CNOT6L: variants seen among roughly 807,000 people sequenced by gnomAD.
CNOT6L encodes the protein CCR4-NOT transcription complex subunit 6 like, also known as CCR4-NOT transcription complex subunit 6-like.
A neutral mutation model predicts 64.0 loss-of-function variants in CNOT6L; 7 were observed. The observed-to-expected ratio is 0.11, with a 90% CI of 0.06 to 0.21. The LOEUF (loss-of-function observed/expected upper bound fraction) is 0.21. Ranked by LOEUF, CNOT6L falls within the 10% of genes least tolerant of loss-of-function variation. CNOT6L has a pLI of 1.00. For missense variants in CNOT6L, 245 were observed against 669.0 expected, an observed-to-expected ratio of 0.37 and a Z score of 6.99; for synonymous variants, 193 against 243.4, an observed-to-expected ratio of 0.79 and a Z score of 1.93.
chr4:77,797,975 TAAAAC>T (rs962743004), intron 1 of CNOT6L, among the ~76,000 whole-genome samples: 15 of 152,112 alleles, frequency 9.9e-5, no homozygotes, highest in African/African-American at 3.6e-4. Context: ...GCATGATCCA[TAAAAC>T]AAAAAATTGA....
At chr4:77,779,578 A>G (rs115179300) in intron 1 of CNOT6L, among the ~76,000 whole-genome samples, 1 of 152,106 alleles carries the variant, frequency 6.6e-6, no homozygotes, top group Non-Finnish European at 1.5e-5. Context: ...ATGTTTACCA[A>G]TATCTATAAT....
At chr4:77,792,596 T>G (rs1173187268) in intron 1 of CNOT6L, among the ~76,000 whole-genome samples, 2 of 151,782 alleles carry the variant, frequency 1.3e-5, no homozygotes, top group Non-Finnish European at 2.9e-5. Context: ...CATGGCGGCA[T>G]GCTCCTGTAA....
chr4:77,819,035 C>A, intron 1 of CNOT6L: 4 of 671,900 alleles, frequency 6.0e-6, no homozygotes, highest in Non-Finnish European at 1.1e-5. Context: ...GGGTCCCGGC[C>A]CCGGGCCACC....
intron 1 of CNOT6L, among the ~76,000 whole-genome samples, chr4:77,779,828 G>A (rs1728653569): frequency 6.6e-6 from 1 of 152,150 alleles, no homozygotes; most frequent in African/African-American, 2.4e-5. Context: ...GCCGGGTGTG[G>A]TCGCGGGCGC....
chr4:77,752,982 G>A (rs1006169677), intron 5 of CNOT6L, among the ~76,000 whole-genome samples: 3 of 151,310 alleles, frequency 2.0e-5, no homozygotes, highest in Non-Finnish European at 4.4e-5. Flanking sequence ...TATCTGAAAT[G>A]GAAAAAAGAC....
At chr4:77,755,678 A>C (rs765803324) in intron 5 of CNOT6L, among the ~76,000 whole-genome samples, 2 of 152,120 alleles carry the variant, frequency 1.3e-5, no homozygotes, top group African/African-American at 4.8e-5. Flanking sequence ...AACTTTTCAG[A>C]TAATATTAAT....
intron 10 of CNOT6L, among the ~76,000 whole-genome samples, 153 bp from the exon 11 acceptor site, chr4:77,726,522 A>C (rs9654193): frequency 6.6e-6 from 1 of 152,240 alleles, no homozygotes; most frequent in Non-Finnish European, 1.5e-5. Context: ...GTTTAAAAAT[A>C]AAAAATCAAA....
intron 1 of CNOT6L, among the ~76,000 whole-genome samples, chr4:77,785,785 AC>A (rs990487350): frequency 1.3e-5 from 2 of 152,146 alleles, no homozygotes; most frequent in Non-Finnish European, 2.9e-5. Context: ...CACGCACAAA[AC>A]AAGGGGGATT....
chr4:77,774,458 T>C (rs951495237), intron 3 of CNOT6L, 72 bp downstream of exon 3: 9 of 1,214,380 alleles, frequency 7.4e-6, no homozygotes, highest in Non-Finnish European at 9.3e-6. Flanking sequence ...CCTACTGTAA[T>C]AAAGTAACAT....
At chr4:77,819,373 A>ACACG (rs1734036565), upstream of CNOT6L, 3 of 1,581,472 alleles carry the variant, frequency 1.9e-6, no homozygotes, top group African/African-American at 1.4e-5. Flanking sequence ...ACACACACAA[A>ACACG]CACGCGCGCG....
intron 8 of CNOT6L, among the ~76,000 whole-genome samples, chr4:77,738,418 G>A (rs1723203508): frequency 6.6e-6 from 1 of 152,010 alleles, no homozygotes; most frequent in African/African-American, 2.4e-5. Flanking sequence ...TAAGTCTATA[G>A]GACAAAACAT....
chr4:77,720,663 A>G lies in CNOT6L; in HGVS notation c.1456-20T>C. 2 of 1,610,430 alleles carry G rather than the reference A, an allele frequency of 1.2e-6. No individual in the cohort carries two copies. Among genetic ancestry groups the G allele is most frequent in the Non-Finnish European group, 1.7e-6 (2 of 1,177,946 alleles). Reference sequence around the variant, plus strand: ...CACGCCCTGGAAAGAGATTGGGAATAGGAAAAAAAGAAAAATTCAAGATAT... The same window carrying G: ...CACGCCCTGGAAAGAGATTGGGAATGGGAAAAAAAGAAAAATTCAAGATAT... On this transcript the variant is annotated intron_variant, in intron 11 of 11. Coordinates refer to ENST00000504123, the MANE Select transcript of CNOT6L (RefSeq NM_144571.3).
chr4:77,788,004 A>G (rs1729644107), intron 1 of CNOT6L, among the ~76,000 whole-genome samples: 1 of 152,220 alleles, frequency 6.6e-6, no homozygotes, highest in Admixed American at 6.5e-5. Flanking sequence ...AATGATCTCC[A>G]ATACTAGTAT....
Position 77,819,112 on chromosome 4 carries a change from C to T in CNOT6L, c.5+192G>A, listed in dbSNP as rs750882134. On this transcript the variant is annotated intron_variant, in intron 1 of 11. Coordinates refer to ENST00000504123, the MANE Select transcript of CNOT6L (RefSeq NM_144571.3). ...CGCCCGCCTCTGAAGAGACGCGGGT[C>T]AGCCCCGCCGCCCCCTCCAGTCACC... 4 of 1,041,280 alleles carry T rather than the reference C, an allele frequency of 3.8e-6. No homozygotes were observed. In the Middle Eastern group the frequency reaches 8.7e-4, roughly 226 times the overall value. 64.5% of individuals were successfully genotyped at this position (1,041,280 alleles called of 1,614,324 possible). A position where few individuals can be genotyped will look rare whatever the true frequency, so the allele number is the denominator to read the frequency against.
chr4:77,790,123 C>T (rs1305525288), intron 1 of CNOT6L, among the ~76,000 whole-genome samples: 1 of 152,112 alleles, frequency 6.6e-6, no homozygotes, highest in African/African-American at 2.4e-5. Flanking sequence ...CATAGTTTTG[C>T]CTTTTCCCGA....
At chr4:77,793,987 C>G (rs1468562506) in intron 1 of CNOT6L, among the ~76,000 whole-genome samples, 15 of 151,256 alleles carry the variant, frequency 9.9e-5, no homozygotes, top group Non-Finnish European at 2.9e-5. Context: ...CCCACCTCTA[C>G]TAAAAATACA....
chr4:77,817,429 G>A (rs144864056), intron 1 of CNOT6L, among the ~76,000 whole-genome samples: 1 of 152,116 alleles, frequency 6.6e-6, no homozygotes, highest in Non-Finnish European at 1.5e-5. Flanking sequence ...GTTTGCAAAG[G>A]TTCTTCAATG....
intron 11 of CNOT6L, among the ~76,000 whole-genome samples, chr4:77,724,713 AAT>A (rs1253269116): frequency 6.6e-6 from 1 of 152,058 alleles, no homozygotes; most frequent in East Asian, 1.9e-4. Context: ...ATACCTGAAC[AAT>A]AATAATAGTT....
At chr4:77,792,994 A>T (rs540866102) in intron 1 of CNOT6L, among the ~76,000 whole-genome samples, 6 of 151,222 alleles carry the variant, frequency 4.0e-5, no homozygotes, top group Non-Finnish European at 8.8e-5. Flanking sequence ...ATGCTGTTAA[A>T]CACCTACAGA....
Sources: allele counts gnomAD v4.1 joint callset (sites outside exome capture counted in the v4.1 genomes callset), GRCh38; gene constraint gnomAD v4.1.1; transcripts MANE v1.5; gene names NCBI Gene and HGNC (gene_info 2026-07-23, HGNC 2026-07-21).